The following COPG2 variants were observed in gnomAD, a reference collection of about 807,000 sequenced individuals.
COPG2 encodes coat protein complex I subunit gamma 2.
A neutral mutation model predicts 46.3 loss-of-function variants in COPG2; 37 were observed. The ratio of observed to expected loss-of-function variants is 0.80; its 90% CI spans 0.61 to 1.05. The LOEUF is 1.05. COPG2 is among the 50% of genes least tolerant of loss of function. COPG2 has a pLI of 0.00. For missense variants in COPG2, 427 were observed against 387.8 expected (o/e 1.10, Z -0.85); for synonymous variants, 159 against 129.7 (o/e 1.23, Z -1.53).
At chr7:130,521,255 T>C (rs1004110541) in intron 20 of COPG2, among the ~76,000 whole-genome samples, 23 of 152,320 alleles carry the variant, frequency 1.5e-4, no homozygotes, top group African/African-American at 1.9e-4. Flanking sequence ...AGAGAGACAG[T>C]GTCCAGGAAA....
At chr7:130,604,260 G>A (rs145070609) in intron 9 of COPG2, among the ~76,000 whole-genome samples, 215 of 152,218 alleles carry the variant, frequency 1.4e-3, no homozygotes, top group African/African-American at 5.0e-3. Context: ...AAGCCAATTG[G>A]GATTGTAATT....
intron 20 of COPG2, among the ~76,000 whole-genome samples, chr7:130,539,910 G>C (rs1004408562): frequency 1.3e-5 from 2 of 152,170 alleles, no homozygotes; most frequent in African/African-American, 2.4e-5. Flanking sequence ...CAGGGGAAGG[G>C]AAAGTGTGAA....
chr7:130,602,929 C>T (rs1271242057), intron 9 of COPG2: 1 of 152,268 alleles, frequency 6.6e-6, no homozygotes, highest in East Asian at 1.9e-4. Flanking sequence ...CCACCTTCTA[C>T]ACCATTATTT....
At chr7:130,534,937 AAG>A (rs2116363604) in intron 20 of COPG2, among the ~76,000 whole-genome samples, 1 of 152,312 alleles carries the variant, frequency 6.6e-6, no homozygotes, top group South Asian at 2.1e-4. Flanking sequence ...ATGGAACAGA[AAG>A]AGAAAAGAGG....
At chr7:130,657,899 T>C (rs1031841959) in intron 4 of COPG2, among the ~76,000 whole-genome samples, 1 of 152,172 alleles carries the variant, frequency 6.6e-6, no homozygotes, top group African/African-American at 2.4e-5. Flanking sequence ...CAATACAAAG[T>C]GCTGGCCAGA....
chr7:130,611,049 A>G lies in COPG2; in HGVS notation c.641T>C (p.Met214Thr), dbSNP rs1794838685. Residue 214 changes from methionine (M) to threonine (T), a missense_variant, in exon 9 of 24, where the codon ATG (methionine) becomes ACG (threonine). Physicochemically the swap from Met to Thr is moderately conservative, Grantham distance 81. Coordinates refer to ENST00000425248, the MANE Select transcript of COPG2 (RefSeq NM_012133.6). ...ACCAGATTTAGTAAACTTATTCAAC[A>G]TCTTGGAAACAGCAAGTCGATCATT... Reference protein sequence around the residue: ...RKNDRLAVSKMLNKFTKSGLK... With the variant: ...RKNDRLAVSKTLNKFTKSGLK... The G allele has an allele frequency of 6.2e-7, 1 of 1,613,872 alleles. No individual in the cohort carries two copies. Among genetic ancestry groups the G allele is most frequent in the East Asian group, 2.2e-5 (1 of 44,864 alleles).
At position 130,561,996 on chromosome 7, in the gene COPG2, A is replaced by C. The variant is rs1002878111; in HGVS notation, c.940-775T>G. Among the ~76,000 whole-genome samples the C allele has an allele frequency of 3.9e-5, 6 of 152,316 alleles. No individual in the cohort carries two copies. The South Asian group carries it at 1.2e-3, about 32-fold the overall frequency. ...TATAACCTTTCTAAAATTTAACTAA[A>C]AGCAAATTCTGAGACACATCTGGCC... On this transcript the variant is annotated intron_variant, in intron 11 of 23. Transcript: ENST00000425248.
intron 8 of COPG2, 72 bp downstream of exon 8, chr7:130,612,080 T>C: frequency 1.9e-6 from 2 of 1,063,194 alleles, no homozygotes; most frequent in Non-Finnish European, 2.9e-6. Context: ...AGGGAATCGA[T>C]ACACTGCCCC....
intron 21 of COPG2, chr7:130,508,040 C>T (rs572778170): frequency 4.7e-5 from 24 of 513,588 alleles, no homozygotes; most frequent in African/African-American, 4.4e-4. Flanking sequence ...ATCTGTAGCC[C>T]TGAGGTACAG....
intron 20 of COPG2, among the ~76,000 whole-genome samples, chr7:130,526,108 G>A (rs1799771912): frequency 6.6e-6 from 1 of 152,110 alleles, no homozygotes. Context: ...GTGGAGTTTT[G>A]TGGGAGCCTT....
intron 12 of COPG2, among the ~76,000 whole-genome samples, chr7:130,557,591 G>A (rs1418758858): frequency 6.6e-6 from 1 of 151,766 alleles, no homozygotes; most frequent in Non-Finnish European, 1.5e-5. Context: ...TGGATCACCT[G>A]AGGTCAGGAG....
At chr7:130,574,421 G>A (rs978350162) in intron 9 of COPG2, among the ~76,000 whole-genome samples, 9 of 152,138 alleles carry the variant, frequency 5.9e-5, no homozygotes, top group Admixed American at 2.0e-4. Context: ...GACTTGCTGG[G>A]TGGCTAGACC....
At chr7:130,509,295 A>G (rs1554440692) in intron 20 of COPG2, 1 of 514,514 alleles carries the variant, frequency 1.9e-6, no homozygotes, top group Non-Finnish European at 3.9e-6. Flanking sequence ...GTGTTAAGTA[A>G]TAAGAAATGG....
intron 10 of COPG2, among the ~76,000 whole-genome samples, chr7:130,563,930 C>T (rs1200826988): frequency 1.3e-5 from 2 of 151,166 alleles, no homozygotes; most frequent in East Asian, 1.9e-4. Flanking sequence ...TTTTTAAACA[C>T]CAAGGAAAAC....
intron 9 of COPG2, among the ~76,000 whole-genome samples, chr7:130,588,706 T>C (rs1032045086): frequency 3.9e-5 from 6 of 152,004 alleles, no homozygotes; most frequent in Non-Finnish European, 7.4e-5. Flanking sequence ...AAATGACAAG[T>C]TAATGGGTGC....
Position 130,652,864 on chromosome 7 carries a change from C to T in COPG2, c.323+5G>A. ...TCTCATCCTAGATTTTGACCATTTA[C>T]ATACCTGCTTGTGACAATTATCACA... is the stretch of plus-strand genomic sequence containing the variant. On this transcript the variant is annotated splice_donor_5th_base_variant and intron_variant, in intron 5 of 23. Transcript: ENST00000425248. 6.3e-7 allele frequency: 1 copy of T among 1,580,484 alleles called. No homozygotes were observed. Among genetic ancestry groups the T allele is most frequent in the South Asian group, 1.1e-5 (1 of 87,824 alleles).
chr7:130,668,596 G>C, intron 1 of COPG2, 36 bp downstream of exon 1: 1 of 1,500,978 alleles, frequency 6.7e-7, no homozygotes, highest in South Asian at 1.3e-5. Context: ...GGGGCGTCCC[G>C]CGGCTGAGGG....
chr7:130,632,989 G>A (rs190024199), intron 5 of COPG2, among the ~76,000 whole-genome samples: 159 of 152,182 alleles, frequency 1.0e-3, no homozygotes, highest in African/African-American at 3.6e-3. Flanking sequence ...GTGAGAACAT[G>A]CAGTGTTTGG....
At chr7:130,543,256 C>A (rs1793372220) in intron 20 of COPG2, among the ~76,000 whole-genome samples, 1 of 152,196 alleles carries the variant, frequency 6.6e-6, no homozygotes, top group African/African-American at 2.4e-5. Flanking sequence ...CTCTGTTTAA[C>A]AAGATTGAAA....
Sources: gnomAD v4.1 joint callset for allele counts (sites outside exome capture counted in the v4.1 genomes callset) on GRCh38, gnomAD v4.1.1 for gene constraint, MANE v1.5 for transcripts, NCBI Gene and HGNC (gene_info 2026-07-23, HGNC 2026-07-21) for gene names.